Variants in VSTM2A observed in about 807,000 individuals in gnomAD.
The protein encoded by VSTM2A is V-set and transmembrane domain-containing protein 2A.
In VSTM2A, 13 loss-of-function variants were observed where a neutral mutation model predicts 27.3. The observed-to-expected ratio is 0.48, with a 90% CI of 0.31 to 0.76. The LOEUF (loss-of-function observed/expected upper bound fraction) is 0.76, where lower values mean the gene tolerates loss of function less well. Ranked by LOEUF, VSTM2A falls within the 30% of genes least tolerant of loss-of-function variation. The pLI is 0.05. For missense variants in VSTM2A, 280 were observed against 310.0 expected (o/e 0.90, Z 0.73); for synonymous variants, 142 against 125.7 (o/e 1.13, Z -0.87).
intron 2 of VSTM2A, among the ~76,000 whole-genome samples, chr7:54,545,498 T>C (rs1444986800): frequency 3.2e-5 from 1 of 31,458 alleles, no homozygotes; most frequent in African/African-American, 1.4e-4. Flanking sequence ...AGAGAGGGAG[T>C]GAGGAGAGGG....
chr7:54,545,237 C>G (rs1234403216), intron 2 of VSTM2A, among the ~76,000 whole-genome samples: 1 of 151,854 alleles, frequency 6.6e-6, no homozygotes, highest in African/African-American at 2.4e-5. Context: ...ACCAGAGAAC[C>G]AGGGCGGCCA....
intron 1 of VSTM2A, among the ~76,000 whole-genome samples, chr7:54,543,147 A>C (rs564328145): frequency 4.6e-5 from 7 of 152,194 alleles, no homozygotes; most frequent in South Asian, 2.1e-4. Context: ...ATCGCAAACA[A>C]ACACAGGGCT....
chr7:54,565,404 G>A (rs576159486), intron 4 of VSTM2A, among the ~76,000 whole-genome samples: 24 of 152,298 alleles, frequency 1.6e-4, no homozygotes, highest in African/African-American at 5.1e-4. Flanking sequence ...GTGTGGGCAC[G>A]CGGAGGGATG....
chr7:54,557,749 C>A (rs1227858966), intron 4 of VSTM2A: 1 of 152,162 alleles, frequency 6.6e-6, no homozygotes, highest in Non-Finnish European at 1.5e-5. Flanking sequence ...TGAATGGTGA[C>A]TAGTTGCTGT....
In VSTM2A at chr7:54,551,814, T is replaced by C. The variant is rs759106905; in HGVS notation, c.634+1644T>C. ...CCTAATTAGCAAGAACTCCAAATCA[T>C]GGAAGTGAAATTATTATTATCCTAC... On this transcript the variant is annotated intron_variant, in intron 4 of 4. Transcript: ENST00000402613. The C allele has an allele frequency of 4.6e-5, 7 of 152,184 alleles. No homozygotes were observed. In the South Asian group the frequency reaches 1.4e-3, roughly 32 times the overall value. 9.4% of individuals were successfully genotyped at this position (152,184 alleles called of 1,614,324 possible).
In VSTM2A at chr7:54,559,962, A is replaced by C. The variant is rs180969057; in HGVS notation, c.635-9169A>C. On this transcript the variant is annotated intron_variant, in intron 4 of 4. Coordinates refer to ENST00000402613, the MANE Select transcript of VSTM2A (RefSeq NM_001301009.2). ...AATAAAAGAAAAAAAGAAAATGTACAGCAGTCAATGTAAGTTATGATTTTT... is the reference window on the plus strand; with the variant it reads ...AATAAAAGAAAAAAAGAAAATGTACCGCAGTCAATGTAAGTTATGATTTTT... 332 of 152,296 alleles carry C rather than the reference A, an allele frequency of 2.2e-3. 1 individual carries two copies. The highest frequency in any genetic ancestry group is 6.9e-3 in the African/African-American group (287 of 41,588). 9.4% of individuals were successfully genotyped at this position (152,296 alleles called of 1,614,324 possible). A position where few individuals can be genotyped will look rare whatever the true frequency, so the allele number is the denominator to read the frequency against.
At chr7:54,548,572 A>G (rs1162520453) in intron 3 of VSTM2A, among the ~76,000 whole-genome samples, 1 of 151,978 alleles carries the variant, frequency 6.6e-6, no homozygotes, top group African/African-American at 2.4e-5. Context: ...TGACCCAAAC[A>G]CCCCAAGCCT....
At chr7:54,551,993 C>A (rs1318723731) in intron 4 of VSTM2A, 1 of 152,172 alleles carries the variant, frequency 6.6e-6, no homozygotes, top group Non-Finnish European at 1.5e-5. Flanking sequence ...AATGCAATCT[C>A]AAAATATCTA....
At chr7:54,558,370 A>G (rs1483141128) in intron 4 of VSTM2A, 2 of 152,318 alleles carry the variant, frequency 1.3e-5, no homozygotes, top group Middle Eastern at 3.4e-3. Flanking sequence ...TAGATTTGCT[A>G]TCTACCAGCT....
At position 54,569,273 on chromosome 7, in the gene VSTM2A, A is replaced by C. The variant is rs1346222431; in HGVS notation, c.*54A>C. 8 of 1,546,278 alleles carry C rather than the reference A, an allele frequency of 5.2e-6. No homozygotes were observed. The highest frequency in any genetic ancestry group is 2.4e-5 in the East Asian group (1 of 40,866). ...GAAGCATAAATGAAGAGGCTATCAC[A>C]TGCTTTGTTGATCATATTTTCTTTG... is the stretch of plus-strand genomic sequence containing the variant. On this transcript the variant is annotated 3_prime_UTR_variant, in exon 5 of 5. Coordinates refer to ENST00000402613, the MANE Select transcript of VSTM2A (RefSeq NM_001301009.2).
chr7:54,554,093 C>A (rs1347077728), intron 4 of VSTM2A: 1 of 1,550,764 alleles, frequency 6.4e-7, no homozygotes, highest in African/African-American at 1.4e-5. Flanking sequence ...CCAGGTCGCT[C>A]GCACTCCCAA....
At chr7:54,550,472 G>T (rs769686620) in intron 4 of VSTM2A, 131 of 594,026 alleles carry the variant, frequency 2.2e-4, no homozygotes, top group Non-Finnish European at 2.5e-4. Context: ...TGTAATGTTG[G>T]TTACATTACA....
intron 4 of VSTM2A, among the ~76,000 whole-genome samples, chr7:54,555,189 G>A (rs1201765022): frequency 1.3e-5 from 2 of 152,242 alleles, no homozygotes; most frequent in Admixed American, 1.3e-4. Context: ...ACCAATACTG[G>A]TTTCATTGTC....
At position 54,570,848 on chromosome 7, in the gene VSTM2A, A is replaced by G. The variant is rs2115971551; in HGVS notation, c.*1629A>G. 1 of 152,320 alleles carries G rather than the reference A, an allele frequency of 6.6e-6. No homozygotes were observed. The highest frequency in any genetic ancestry group is 2.4e-5 in the African/African-American group (1 of 41,580). The allele number at this position is 152,320 out of a possible 1,614,324, so 9.4% of individuals were successfully genotyped here. A position where few individuals can be genotyped will look rare whatever the true frequency, so the allele number is the denominator to read the frequency against. On this transcript the variant is annotated 3_prime_UTR_variant, in exon 5 of 5. Transcript: ENST00000402613. ...CCATCAGCTCCCAGCCTAAGGTCCT[A>G]TAACCCGAAGCTTGAAGGCAATCAG...
chr7:54,553,894 A>G, intron 4 of VSTM2A: 1 of 1,551,208 alleles, frequency 6.4e-7, no homozygotes, highest in Non-Finnish European at 8.7e-7. Context: ...GAAGTCAAAC[A>G]TCTCCACAGA....
At chr7:54,544,533 G>A in intron 1 of VSTM2A, 89 bp from the exon 2 acceptor site, 1 of 1,542,564 alleles carries the variant, frequency 6.5e-7, no homozygotes, top group Non-Finnish European at 8.9e-7. Flanking sequence ...TGCTATTTAA[G>A]TCCAGGAAAA....
chr7:54,544,764 C>G lies in VSTM2A; in HGVS notation c.222C>G (p.Pro74=). 1 of 1,611,044 alleles carries G rather than the reference C, an allele frequency of 6.2e-7. No individual in the cohort carries two copies. Among genetic ancestry groups the G allele is most frequent in the Non-Finnish European group, 8.5e-7 (1 of 1,179,184 alleles). Residue 74 remains proline (P), a synonymous_variant, in exon 2 of 5, where the codon CCC becomes CCG. Transcript: ENST00000402613. Reference sequence around the variant, plus strand: ...TGCGGGGGCCGGAGGACCTGGATCCCGGGGCCGAGGGGGCCGGCGCGCAGG... The same window carrying G: ...TGCGGGGGCCGGAGGACCTGGATCCGGGGGCCGAGGGGGCCGGCGCGCAGG... The part of the protein sequence containing the change: ...WFLRGPEDLD[P]GAEGAGAQVE...
intron 4 of VSTM2A, chr7:54,559,972 G>A (rs547186631): frequency 1.3e-5 from 2 of 152,204 alleles, no homozygotes; most frequent in Non-Finnish European, 2.9e-5. Flanking sequence ...AGCAGTCAAT[G>A]TAAGTTATGA....
chr7:54,566,105 A>C (rs1788712176), intron 4 of VSTM2A, among the ~76,000 whole-genome samples: 1 of 152,236 alleles, frequency 6.6e-6, no homozygotes, highest in Non-Finnish European at 1.5e-5. Context: ...ATCTTCAAGC[A>C]TAAAAACAAA....
Sources: gnomAD v4.1 joint callset for allele counts (sites outside exome capture counted in the v4.1 genomes callset) on GRCh38, gnomAD v4.1.1 for gene constraint, MANE v1.5 for transcripts, NCBI Gene and HGNC (gene_info 2026-07-23, HGNC 2026-07-21) for gene names.